RIMS4: variants seen among roughly 807,000 people sequenced by gnomAD.
RIMS4 encodes the protein regulating synaptic membrane exocytosis protein 4.
A neutral mutation model predicts 29.0 loss-of-function variants in RIMS4; 9 were observed. The observed-to-expected ratio is 0.31, with a 90% CI of 0.19 to 0.54. The LOEUF is 0.54. RIMS4 is among the 20% of genes least tolerant of loss of function. RIMS4 has a pLI of 0.94. For missense variants in RIMS4, 193 were observed against 365.7 expected (o/e 0.53, Z 3.85); for synonymous variants, 130 against 152.9 (o/e 0.85, Z 1.10).
At chr20:44,799,175 C>T (rs1043274311) in intron 1 of RIMS4, among the ~76,000 whole-genome samples, 12 of 152,076 alleles carry the variant, frequency 7.9e-5, no homozygotes, top group African/African-American at 1.9e-4. Flanking sequence ...TGGTGGCACG[C>T]GCCTGTAGTC....
chr20:44,771,492 G>A, intron 1 of RIMS4, 79 bp from the exon 2 acceptor site: 1 of 1,503,364 alleles, frequency 6.7e-7, no homozygotes, highest in Non-Finnish European at 9.0e-7. Flanking sequence ...CATCTGGTTA[G>A]CAGTGTTTCA....
intron 2 of RIMS4, among the ~76,000 whole-genome samples, chr20:44,768,619 G>C (rs1283419956): frequency 1.3e-5 from 2 of 152,222 alleles, no homozygotes; most frequent in African/African-American, 4.8e-5. Context: ...GCCTCGCCTG[G>C]CTGGGATCCA....
At chr20:44,783,890 T>C (rs1426950317) in intron 1 of RIMS4, among the ~76,000 whole-genome samples, 1 of 152,210 alleles carries the variant, frequency 6.6e-6, no homozygotes, top group Admixed American at 6.5e-5. Context: ...CAATTGACTG[T>C]GGTGATGGTT....
At chr20:44,786,030 A>G (rs1246090140) in intron 1 of RIMS4, among the ~76,000 whole-genome samples, 1 of 152,154 alleles carries the variant, frequency 6.6e-6, no homozygotes, top group Non-Finnish European at 1.5e-5. Flanking sequence ...CACACTGGGC[A>G]AAGAGAAGTC....
chr20:44,766,189 A>G (rs1601022821), intron 2 of RIMS4, among the ~76,000 whole-genome samples: 1 of 152,168 alleles, frequency 6.6e-6, no homozygotes, highest in Non-Finnish European at 1.5e-5. Context: ...TTGCTAATCA[A>G]CCTCAGCTCT....
At chr20:44,774,291 G>T (rs538087706) in intron 1 of RIMS4, among the ~76,000 whole-genome samples, 2 of 152,146 alleles carry the variant, frequency 1.3e-5, no homozygotes, top group South Asian at 4.1e-4. Flanking sequence ...GTGTCAACTC[G>T]ATTGGATTGA....
chr20:44,810,116 G>T (rs377519196), intron 1 of RIMS4, 59 bp downstream of exon 1: 6 of 1,059,722 alleles, frequency 5.7e-6, no homozygotes, highest in African/African-American at 1.6e-5. Flanking sequence ...CGGGGAGGGG[G>T]CTACCGGACC....
At chr20:44,808,799 A>G (rs1416783939) in intron 1 of RIMS4, among the ~76,000 whole-genome samples, 1 of 152,184 alleles carries the variant, frequency 6.6e-6, no homozygotes, top group East Asian at 1.9e-4. Context: ...ACTTCATCCC[A>G]TGATGGAACC....
intron 1 of RIMS4, among the ~76,000 whole-genome samples, chr20:44,803,188 T>C (rs571769981): frequency 6.6e-6 from 1 of 152,340 alleles, no homozygotes; most frequent in East Asian, 1.9e-4. Flanking sequence ...TTCCTTGATA[T>C]ATCCCTAGCA....
At chr20:44,780,838 C>T (rs2066181085) in intron 1 of RIMS4, among the ~76,000 whole-genome samples, 1 of 152,032 alleles carries the variant, frequency 6.6e-6, no homozygotes, top group Non-Finnish European at 1.5e-5. Context: ...ATCATAAAGA[C>T]ACAGAGATGA....
In RIMS4 at chr20:44,810,182, C is replaced by A; in HGVS notation, c.90G>T (p.Glu30Asp). 6.3e-7 allele frequency: 1 copy of A among 1,587,628 alleles called. No individual in the cohort carries two copies. Among genetic ancestry groups the A allele is most frequent in the Non-Finnish European group, 8.6e-7 (1 of 1,165,072 alleles). The change falls in exon 1 of 6, where the codon GAG becomes GAT. Residue 30 changes from glutamate (E) to aspartate (D), a missense_variant. Physicochemically the swap from Glu to Asp is conservative, Grantham distance 45 (BLOSUM62 2). Transcript: ENST00000372851. ...GGCGGGCCGCGCGCTTACCTGCGTC[C>A]TCGTCGTCGAAGGAGTTCATGCACG... ...YFPCMNSFDD[E>D]DAGDSRRLKG...
At chr20:44,783,510 G>C (rs1356178933) in intron 1 of RIMS4, among the ~76,000 whole-genome samples, 5 of 152,072 alleles carry the variant, frequency 3.3e-5, no homozygotes, top group Non-Finnish European at 7.4e-5. Flanking sequence ...TGTAATCCTA[G>C]CTACTCAGGA....
At chr20:44,809,159 G>A (rs144180336) in intron 1 of RIMS4, among the ~76,000 whole-genome samples, 4 of 152,262 alleles carry the variant, frequency 2.6e-5, no homozygotes, top group Non-Finnish European at 5.9e-5. Flanking sequence ...CTCAGAGGTG[G>A]CATGACTTGC....
intron 1 of RIMS4, among the ~76,000 whole-genome samples, chr20:44,809,098 G>C (rs972168498): frequency 6.6e-6 from 1 of 152,098 alleles, no homozygotes; most frequent in Non-Finnish European, 1.5e-5. Context: ...ACACCATACA[G>C]AGCTTTGCAT....
At chr20:44,781,011 C>A (rs2066182088) in intron 1 of RIMS4, among the ~76,000 whole-genome samples, 1 of 152,124 alleles carries the variant, frequency 6.6e-6, no homozygotes. Context: ...TCTCACTTAT[C>A]CAACAAAATA....
At chr20:44,762,526 G>C (rs539230165) in intron 2 of RIMS4, among the ~76,000 whole-genome samples, 1 of 152,198 alleles carries the variant, frequency 6.6e-6, no homozygotes, top group Non-Finnish European at 1.5e-5. Flanking sequence ...GAAATTGAAA[G>C]TTTCCTCCAA....
At chr20:44,772,302 T>C (rs1282021864) in intron 1 of RIMS4, among the ~76,000 whole-genome samples, 1 of 152,144 alleles carries the variant, frequency 6.6e-6, no homozygotes, top group Non-Finnish European at 1.5e-5. Context: ...CTCCTAACAC[T>C]TACCACCCAA....
chr20:44,779,117 C>G (rs1455510212), intron 1 of RIMS4, among the ~76,000 whole-genome samples: 1 of 152,220 alleles, frequency 6.6e-6, no homozygotes, highest in African/African-American at 2.4e-5. Flanking sequence ...ACATTCTATT[C>G]ACAATGAATT....
chr20:44,768,524 A>G (rs1276030478), intron 2 of RIMS4, among the ~76,000 whole-genome samples: 1 of 152,234 alleles, frequency 6.6e-6, no homozygotes, highest in African/African-American at 2.4e-5. Flanking sequence ...AAATGCCTAC[A>G]GAACAAGAAG....
Sources: allele counts gnomAD v4.1 joint callset (sites outside exome capture counted in the v4.1 genomes callset), GRCh38; gene constraint gnomAD v4.1.1; transcripts MANE v1.5; gene names NCBI Gene and HGNC (gene_info 2026-07-23, HGNC 2026-07-21).